MUC5B: variants seen among roughly 807,000 people sequenced by gnomAD.
The protein encoded by MUC5B is mucin-5B.
In MUC5B, 116 loss-of-function variants were observed where a neutral mutation model predicts 376.9. The ratio of observed to expected loss-of-function variants is 0.31; its 90% confidence interval spans 0.26 to 0.36. The LOEUF (loss-of-function observed/expected upper bound fraction) is 0.36. Ranked by LOEUF, MUC5B falls within the 10% of genes least tolerant of loss-of-function variation. MUC5B has a pLI of 1.00. For synonymous variants in MUC5B, 3,517 were observed against 3,390.9 expected, an observed-to-expected ratio of 1.04 and a Z score of -1.29; for missense variants, 7,165 against 7,769.9, an observed-to-expected ratio of 0.92 and a Z score of 2.93.
Position 1,242,136 on chromosome 11 carries a change from G to T in MUC5B, c.5256G>T (p.Glu1752Asp). ...GCCTGGCGCCAACACTCACGAGCGA[G>T]CTGTCCACCTCTCAGGCCGAGACCA... ...TTSLAPTLTS[E>D]LSTSQAETST... Residue 1752 changes from glutamate (E) to aspartate (D), a missense_variant, in exon 31 of 49, where the codon GAG (glutamate) becomes GAT (aspartate). Glu to Asp is a conservative substitution (Grantham distance 45). Around this residue, in one of 31 missense-constraint regions of MUC5B, gnomAD observed 897 missense variants for 779.6 expected, o/e 1.15. Transcript: ENST00000529681. 1 of 1,613,452 alleles carries T rather than the reference G, an allele frequency of 6.2e-7. No individual in the cohort carries two copies. Among genetic ancestry groups the T allele is most frequent in the Non-Finnish European group, 8.5e-7 (1 of 1,179,876 alleles).
rs754620649 is a variant in MUC5B, at chr11:1,258,071, CCAGA to C, written c.16451-24_16451-21del. The C allele has an allele frequency of 2.0e-5, 31 of 1,547,588 alleles. 1 individual carries two copies. The African/African-American group carries it at 2.6e-4, about 13-fold the overall frequency. On this transcript the variant is annotated intron_variant, in intron 41 of 48. Coordinates refer to ENST00000529681, the MANE Select transcript of MUC5B (RefSeq NM_002458.3). The surrounding 1 kb of genome is among the most constrained non-coding windows in gnomAD (Gnocchi z 5.5). Reference sequence around the variant, plus strand: ...GGTCGGGAGGAGGAGTGAGCAGCGCCCAGACAGTGGCCTCCATCCTCCCGCAGTG... The same window carrying C: ...GGTCGGGAGGAGGAGTGAGCAGCGCCCAGTGGCCTCCATCCTCCCGCAGTG...
rs2857473 is a variant in MUC5B at position 1,254,000 on chromosome 11, G to A, written c.15218-92G>A. ...AGGGGCTTCAGTGGCTCCCCAAGGC[G>A]GCAGTCACAGTGGTGACGCTGGCTG... is the stretch of plus-strand genomic sequence containing the variant. On this transcript the variant is annotated intron_variant, in intron 33 of 48. Coordinates refer to ENST00000529681, the MANE Select transcript of MUC5B (RefSeq NM_002458.3). This position sits in a 1 kb window ranked among gnomAD's most constrained non-coding sequence, Gnocchi z 4.3. 1.5e-5 allele frequency: 22 copies of A among 1,505,264 alleles called. No homozygotes were observed. The highest frequency in any genetic ancestry group is 2.4e-5 in the East Asian group (1 of 40,824). 93.2% of individuals were successfully genotyped at this position (1,505,264 alleles called of 1,614,324 possible).
Position 1,234,499 on chromosome 11 carries a change from C to A in MUC5B, c.2479-30C>A. Reference sequence around the variant, plus strand: ...GACATCTGCCCACCCTGGTGTCCAGCCCTGACCGGTACCTGCCTGGGCCCC... The same window carrying A: ...GACATCTGCCCACCCTGGTGTCCAGACCTGACCGGTACCTGCCTGGGCCCC... On this transcript the variant is annotated intron_variant, in intron 20 of 48. Transcript: ENST00000529681. The surrounding 1 kb of genome is among the most constrained non-coding windows in gnomAD (Gnocchi z 6.3). The A allele has an allele frequency of 6.4e-7, 1 of 1,563,962 alleles. No individual in the cohort carries two copies. The highest frequency in any genetic ancestry group is 1.2e-5 in the South Asian group (1 of 84,658).
In MUC5B at chr11:1,253,671, T is replaced by C. The variant is rs1862760278; in HGVS notation, c.15218-421T>C. Among the ~76,000 whole-genome samples the C allele has an allele frequency of 6.6e-6, 1 of 152,004 alleles. No individual in the cohort carries two copies. Among genetic ancestry groups the C allele is most frequent in the Non-Finnish European group, 1.5e-5 (1 of 67,980 alleles). ...GAGGTCCTTCCTGCCTCTCCCAGCT[T>C]TGGGGACTCCAGGTGTCCTTTGGCT... On this transcript the variant is annotated intron_variant, in intron 33 of 48. Transcript: ENST00000529681. This position sits in a 1 kb window ranked among gnomAD's most constrained non-coding sequence, Gnocchi z 4.3.
rs376361785 is a variant in MUC5B, at chr11:1,240,242, T to C, written c.3837T>C (p.Asp1279=). The change falls in exon 30 of 49, where the codon GAT becomes GAC. Residue 1279 remains aspartate, a synonymous_variant. Transcript: ENST00000529681. ...AGGACGTCATCTACAACACCACCGA[T>C]GGGCTTGGCGCCTGCTTGATCGCCA... ...SYQDVIYNTT[D]GLGACLIAIC... is the part of the protein sequence containing the mutation. 4.3e-6 allele frequency: 7 copies of C among 1,613,452 alleles called. No homozygotes were observed. The highest frequency in any genetic ancestry group is 2.2e-5 in the South Asian group (2 of 91,084).
chr11:1,244,169 C>T lies in MUC5B; in HGVS notation c.7289C>T (p.Pro2430Leu), dbSNP rs778893042. ...TCTACGGCCATGCCCTCCTCCACTC[C>T]GGGGACGACCTGGATCCTCACAGAG... ...TSSTAMPSSTPGTTWILTELT... is the reference protein window; with the variant it reads ...TSSTAMPSSTLGTTWILTELT... Residue 2430 changes from proline to leucine, a missense_variant, in exon 31 of 49, where the codon CCG becomes CTG. Pro to Leu is a moderately conservative substitution (Grantham distance 98). Transcript: ENST00000529681. 58 of 1,613,288 alleles carry T rather than the reference C, an allele frequency of 3.6e-5. No homozygotes were observed. Among genetic ancestry groups the T allele is most frequent in the Middle Eastern group, 3.4e-4 (2 of 5,970 alleles).
At position 1,246,436 on chromosome 11, in the gene MUC5B, A is replaced by C. The variant is rs768914770; in HGVS notation, c.9556A>C (p.Thr3186Pro). 1 of 1,611,950 alleles carries C rather than the reference A, an allele frequency of 6.2e-7. No individual in the cohort carries two copies. The change falls in exon 31 of 49, where the codon ACC (threonine) becomes CCC (proline). Residue 3186 changes from threonine to proline, a missense_variant. Coordinates refer to ENST00000529681, the MANE Select transcript of MUC5B (RefSeq NM_002458.3). ...PTGSTATASSTRATAGTLKVL... is the reference protein window; with the variant it reads ...PTGSTATASSPRATAGTLKVL... ...CGGATCCACGGCCACCGCCTCCTCC[A>C]CCCGGGCAACTGCTGGCACCCTCAA...
In MUC5B at chr11:1,255,496, C is replaced by G; in HGVS notation, c.16004C>G (p.Ala5335Gly). The G allele has an allele frequency of 6.4e-7, 1 of 1,568,158 alleles. No individual in the cohort carries two copies. Among genetic ancestry groups the G allele is most frequent in the Middle Eastern group, 1.7e-4 (1 of 5,998 alleles). ...EVPCQSLEAY[A>G]ELCRARGVCS... ...CCCTGCCAGAGCCTGGAGGCTTACG[C>G]AGAGCTCTGCCGCGCCCGGGGAGTG... Residue 5335 changes from alanine to glycine, a missense_variant, in exon 37 of 49, where the codon GCA (alanine) becomes GGA (glycine). By Grantham distance (60) the Ala-to-Gly change is moderately conservative. Coordinates refer to ENST00000529681, the MANE Select transcript of MUC5B (RefSeq NM_002458.3).
Position 1,246,713 on chromosome 11 carries a change from C to T in MUC5B, c.9833C>T (p.Thr3278Ile), listed in dbSNP as rs754895851. Residue 3278 changes from threonine (T) to isoleucine (I), a missense_variant, in exon 31 of 49, where the codon ACA (threonine) becomes ATA (isoleucine). Coordinates refer to ENST00000529681, the MANE Select transcript of MUC5B (RefSeq NM_002458.3). ...SSTPETVHTS[T>I]VLTTTTTTTR... is the part of the protein sequence containing the mutation. ...ACTCCAGAGACTGTCCACACCTCCA[C>T]AGTGCTTACCACCACGACCACCACA... 4 of 1,609,790 alleles carry T rather than the reference C, an allele frequency of 2.5e-6. No individual in the cohort carries two copies. Among genetic ancestry groups the T allele is most frequent in the African/African-American group, 2.7e-5 (2 of 74,500 alleles).
rs370745091 is a variant in MUC5B, at chr11:1,248,093, C to T, written c.11213C>T (p.Thr3738Met). 55 of 1,601,800 alleles carry T rather than the reference C, an allele frequency of 3.4e-5. No homozygotes were observed. In the South Asian group the frequency reaches 3.9e-4, roughly 11 times the overall value. The change falls in exon 31 of 49, where the codon ACG (threonine) becomes ATG (methionine). Residue 3738 changes from threonine (T) to methionine (M), a missense_variant. By Grantham distance (81) the Thr-to-Met change is moderately conservative (BLOSUM62 -1). Transcript: ENST00000529681. Reference protein sequence around the residue: ...TATVTVPTGSTATASSTQATA... With the variant: ...TATVTVPTGSMATASSTQATA... ...ACCGTGACGGTGCCCACCGGATCCA[C>T]GGCCACCGCCTCCTCCACCCAGGCA... is the stretch of plus-strand genomic sequence containing the variant.
In MUC5B at chr11:1,257,796, G is replaced by A. The variant is rs1433397845; in HGVS notation, c.16450+86G>A. 1.4e-6 allele frequency: 2 copies of A among 1,406,506 alleles called. No homozygotes were observed. Among genetic ancestry groups the A allele is most frequent in the Middle Eastern group, 2.5e-4 (1 of 3,944 alleles). The allele number at this position is 1,406,506 out of a possible 1,614,324, so 87.1% of individuals were successfully genotyped here. On this transcript the variant is annotated intron_variant, in intron 41 of 48. Coordinates refer to ENST00000529681, the MANE Select transcript of MUC5B (RefSeq NM_002458.3). This position sits in a 1 kb window ranked among gnomAD's most constrained non-coding sequence, Gnocchi z 8.9. ...ACCAGGGGCCTGTGGGTTGGGCACA[G>A]GAGAGCAGAGGAGAGCCACTGTGTC...
At chr11:1,252,270 C>T in intron 31 of MUC5B, 73 bp from the exon 32 acceptor site, 4 of 1,445,832 alleles carry the variant, frequency 2.8e-6, no homozygotes, top group Non-Finnish European at 2.8e-6. Flanking sequence ...TGACCTCTGC[C>T]TTTGCTCTCC....
intron 18 of MUC5B, 56 bp from the exon 19 acceptor site, chr11:1,233,737 G>A (rs1590171752): frequency 6.5e-7 from 1 of 1,539,024 alleles, no homozygotes; most frequent in Non-Finnish European, 8.8e-7. Flanking sequence ...AAGCCCGGGG[G>A]TGGGGTCTGC....
At chr11:1,224,245 G>T (rs1306695326) in intron 1 of MUC5B, among the ~76,000 whole-genome samples, 3 of 152,188 alleles carry the variant, frequency 2.0e-5, no homozygotes, top group Non-Finnish European at 4.4e-5. Flanking sequence ...CAAGCCCTTG[G>T]CAGGGACTGT....
Position 1,229,293 on chromosome 11 carries a change from C to A in MUC5B, c.1100C>A (p.Pro367Gln). 1 of 1,571,792 alleles carries A rather than the reference C, an allele frequency of 6.4e-7. No individual in the cohort carries two copies. Among genetic ancestry groups the A allele is most frequent in the Non-Finnish European group, 8.6e-7 (1 of 1,163,510 alleles). Residue 367 changes from proline to glutamine, a missense_variant and splice_region_variant, in exon 9 of 49, where the codon CCA becomes CAA. Around this residue, in one of 31 missense-constraint regions of MUC5B, gnomAD observed 640 missense variants for 733.0 expected, o/e 0.87. Transcript: ENST00000529681. Reference protein sequence around the residue: ...DHCVDGCFCPPGTVLDDITHS... With the variant: ...DHCVDGCFCPQGTVLDDITHS... The stretch of plus-strand genomic sequence containing the variant: ...TGTGTGGACGGCTGCTTCTGCCCCC[C>A]AGGCAGGTCTTGTGTGCCCTGAACC...
intron 25 of MUC5B, 51 bp downstream of exon 25, chr11:1,237,215 C>T (rs1862180792): frequency 1.0e-5 from 14 of 1,340,874 alleles, no homozygotes; most frequent in Non-Finnish European, 1.3e-5. Context: ...GCAGTTGCTT[C>T]CTTCCCGCCG....
chr11:1,246,677 C>T lies in MUC5B; in HGVS notation c.9797C>T (p.Thr3266Ile). 6.2e-6 allele frequency: 10 copies of T among 1,610,280 alleles called. No homozygotes were observed. Among genetic ancestry groups the T allele is most frequent in the Non-Finnish European group, 8.5e-6 (10 of 1,177,232 alleles). The change falls in exon 31 of 49, where the codon ACA (threonine) becomes ATA (isoleucine). Residue 3266 changes from threonine to isoleucine, a missense_variant. This residue lies in a region of MUC5B where 939 missense variants were observed against 770.6 expected (regional missense o/e 1.22). Transcript: ENST00000529681. ...CCCACGGCCACCATGTCCACAGCCACACCCTCCTCTACTCCAGAGACTGTC... is the reference window on the plus strand; with the variant it reads ...CCCACGGCCACCATGTCCACAGCCATACCCTCCTCTACTCCAGAGACTGTC... ...TTPTATMSTA[T>I]PSSTPETVHT...
rs567852103 is a variant in MUC5B at position 1,226,413 on chromosome 11, C to T, written c.199+137C>T. ...CAGAGTCCTCCGTGTGGGCGGTCTC[C>T]TGGTCACTGGCCACCCTGGGGGATG... On this transcript the variant is annotated intron_variant, in intron 3 of 48. Coordinates refer to ENST00000529681, the MANE Select transcript of MUC5B (RefSeq NM_002458.3). 3 of 1,313,280 alleles carry T rather than the reference C, an allele frequency of 2.3e-6. No homozygotes were observed. The East Asian group carries it at 7.6e-5, about 33-fold the overall frequency. The allele number at this position is 1,313,280 out of a possible 1,614,324, so 81.4% of individuals were successfully genotyped here.
In MUC5B at chr11:1,233,017, G is replaced by A. The variant is rs776484310; in HGVS notation, c.2070G>A (p.Lys690=). 20 of 1,588,102 alleles carry A rather than the reference G, an allele frequency of 1.3e-5. No homozygotes were observed. Among genetic ancestry groups the A allele is most frequent in the African/African-American group, 2.7e-5 (2 of 74,596 alleles). The part of the protein sequence containing the change: ...LSDWRDGVCT[K]YMQNCPKSQR... ...CCCTGGCCCCACCGACCACAGCCAAGTACATGCAGAACTGCCCCAAGTCCC... is the reference window on the plus strand; with the variant it reads ...CCCTGGCCCCACCGACCACAGCCAAATACATGCAGAACTGCCCCAAGTCCC... The change falls in exon 18 of 49, where the codon AAG becomes AAA. Residue 690 remains lysine, a synonymous_variant. Coordinates refer to ENST00000529681, the MANE Select transcript of MUC5B (RefSeq NM_002458.3).
Sources: allele counts gnomAD v4.1 joint callset (sites outside exome capture counted in the v4.1 genomes callset), GRCh38; gene constraint gnomAD v4.1.1; regional missense constraint gnomAD v4.1.1; non-coding constraint Gnocchi (gnomAD v3.1); transcripts MANE v1.5; gene names NCBI Gene and HGNC (gene_info 2026-07-23, HGNC 2026-07-21).